SMYD3: variants seen among roughly 807,000 people sequenced by gnomAD.
SMYD3 encodes the protein SET and MYND domain containing 3.
Under a neutral mutation model 57.7 loss-of-function variants are expected in SMYD3, and 36 were observed. The observed-to-expected ratio is 0.62, with a 90% CI of 0.48 to 0.82. The LOEUF is 0.82. SMYD3 is among the 40% of genes least tolerant of loss of function. The pLI is 0.00. For missense variants in SMYD3, 515 were observed against 538.8 expected (o/e 0.96, Z 0.44); for synonymous variants, 211 against 195.0 (o/e 1.08, Z -0.68).
chr1:246,158,207 ACT>A (rs2062052868), intron 5 of SMYD3, among the ~76,000 whole-genome samples: 1 of 152,012 alleles, frequency 6.6e-6, no homozygotes, highest in Admixed American at 6.6e-5. Flanking sequence ...TCTTCCCCTG[ACT>A]CTCTTTCTCC....
intron 5 of SMYD3, among the ~76,000 whole-genome samples, chr1:246,172,773 C>G (rs940865407): frequency 1.3e-5 from 2 of 149,610 alleles, no homozygotes; most frequent in African/African-American, 2.5e-5. Flanking sequence ...TCACTGTACT[C>G]TACTGTAGAC....
rs1025937151 is a variant in SMYD3 at position 246,055,003 on chromosome 1, G to A, written c.532-125066C>T. The stretch of plus-strand genomic sequence containing the variant: ...ATCCTGGCTAACATGGTGAAATCCC[G>A]TCTCTACTAAAAATACAAAAAAATT... On this transcript the variant is annotated intron_variant, in intron 5 of 11. Coordinates refer to ENST00000490107, the MANE Select transcript of SMYD3 (RefSeq NM_001167740.2). Among the ~76,000 whole-genome samples, 5 of 151,688 alleles carry A rather than the reference G, an allele frequency of 3.3e-5. No individual in the cohort carries two copies. In the East Asian group the frequency reaches 9.7e-4, roughly 30 times the overall value.
intron 5 of SMYD3, among the ~76,000 whole-genome samples, chr1:246,164,682 TGTGCCAC>T (rs1228230902): frequency 6.6e-6 from 1 of 152,232 alleles, no homozygotes; most frequent in Non-Finnish European, 1.5e-5. Flanking sequence ...ACTGGATACG[TGTGCCAC>T]GTGCCAGGCA....
intron 5 of SMYD3, among the ~76,000 whole-genome samples, chr1:245,933,424 G>A (rs2147861850): frequency 6.6e-6 from 1 of 152,216 alleles, no homozygotes; most frequent in East Asian, 1.9e-4. Context: ...ATTATTGAAT[G>A]CAAAGTTATA....
chr1:246,249,476 G>A (rs887517570), intron 5 of SMYD3, among the ~76,000 whole-genome samples: 1 of 151,136 alleles, frequency 6.6e-6, no homozygotes, highest in African/African-American at 2.4e-5. Flanking sequence ...ATTATTTCAG[G>A]TTTTAATTCA....
chr1:246,024,063 G>A (rs1321343215), intron 5 of SMYD3, among the ~76,000 whole-genome samples: 1 of 152,060 alleles, frequency 6.6e-6, no homozygotes, highest in Non-Finnish European at 1.5e-5. Flanking sequence ...AAATGTCCTG[G>A]CCAGGTAACC....
At chr1:246,369,872 T>C (rs920554350) in intron 1 of SMYD3, among the ~76,000 whole-genome samples, 5 of 149,000 alleles carry the variant, frequency 3.4e-5, no homozygotes, top group African/African-American at 1.2e-4. Context: ...TTTCATCTTA[T>C]TTCACATTTC....
intron 10 of SMYD3, among the ~76,000 whole-genome samples, chr1:245,797,359 A>C (rs1337702525): frequency 6.6e-6 from 1 of 152,084 alleles, no homozygotes; most frequent in Non-Finnish European, 1.5e-5. Flanking sequence ...AAAAAAGGAT[A>C]TTTCATGTCC....
chr1:246,444,462 T>C (rs902837932), intron 1 of SMYD3, among the ~76,000 whole-genome samples: 6 of 152,060 alleles, frequency 3.9e-5, no homozygotes, highest in African/African-American at 1.4e-4. Flanking sequence ...CTTTAGTGGG[T>C]GAACCAGAGG....
At chr1:246,471,858 G>A (rs921691199) in intron 1 of SMYD3, among the ~76,000 whole-genome samples, 2 of 152,060 alleles carry the variant, frequency 1.3e-5, no homozygotes, top group African/African-American at 2.4e-5. Flanking sequence ...ACCAAATTTG[G>A]CTCCTAATCT....
Position 246,203,107 on chromosome 1 carries a change from C to T in SMYD3, c.531+124094G>A, listed in dbSNP as rs116273401. ...ACCACTGCACTCCAGAGCAAGACTCCGTCTCAAAAAATAAAAGAAAAGAAA... is the reference window on the plus strand; with the variant it reads ...ACCACTGCACTCCAGAGCAAGACTCTGTCTCAAAAAATAAAAGAAAAGAAA... On this transcript the variant is annotated intron_variant, in intron 5 of 11. Coordinates refer to ENST00000490107, the MANE Select transcript of SMYD3 (RefSeq NM_001167740.2). This position sits in a 1 kb window ranked among gnomAD's most constrained non-coding sequence, Gnocchi z 4.6. 0.024 allele frequency among the ~76,000 whole-genome samples: 3,623 copies of T among 151,856 alleles called. 147 individuals carry two copies. Among genetic ancestry groups the T allele is most frequent in the African/African-American group, 0.082 (3,405 of 41,398 alleles).
intron 10 of SMYD3, among the ~76,000 whole-genome samples, chr1:245,854,539 C>T (rs1278507898): frequency 6.6e-6 from 1 of 152,154 alleles, no homozygotes; most frequent in African/African-American, 2.4e-5. Context: ...CAGATGTCTA[C>T]ACTCTCTTGT....
At chr1:245,879,989 C>A (rs566914612) in intron 8 of SMYD3, among the ~76,000 whole-genome samples, 121 of 151,518 alleles carry the variant, frequency 8.0e-4, no homozygotes, top group Non-Finnish European at 1.3e-3. Flanking sequence ...TTGCTGTACA[C>A]ACCAGAGATA....
chr1:246,119,799 C>G (rs377676943), intron 5 of SMYD3, among the ~76,000 whole-genome samples: 1 of 152,128 alleles, frequency 6.6e-6, no homozygotes, highest in Non-Finnish European at 1.5e-5. Context: ...CTGCCATGTA[C>G]GACATACACT....
chr1:245,842,159 A>G (rs1046567488), intron 10 of SMYD3, among the ~76,000 whole-genome samples: 2 of 152,204 alleles, frequency 1.3e-5, no homozygotes, highest in Non-Finnish European at 2.9e-5. Context: ...AAATCATCTA[A>G]TGACGCATTT....
intron 8 of SMYD3, among the ~76,000 whole-genome samples, chr1:245,889,182 A>G (rs992345690): frequency 2.6e-5 from 4 of 152,212 alleles, no homozygotes; most frequent in Non-Finnish European, 5.9e-5. Flanking sequence ...AGCATGTACT[A>G]TGGACCAAAA....
At chr1:246,002,652 CCA>C (rs1234109867) in intron 5 of SMYD3, among the ~76,000 whole-genome samples, 2 of 93,624 alleles carry the variant, frequency 2.1e-5, no homozygotes, top group Admixed American at 1.2e-4. Flanking sequence ...CGGGGTTTCA[CCA>C]TGTTAGCCAG....
chr1:245,848,756 G>A (rs551936894), intron 10 of SMYD3, among the ~76,000 whole-genome samples: 7 of 152,198 alleles, frequency 4.6e-5, no homozygotes, highest in Admixed American at 4.6e-4. Flanking sequence ...GGTGGCTCAA[G>A]AGCCAAGCAA....
chr1:246,226,619 A>G (rs1273122611), intron 5 of SMYD3, among the ~76,000 whole-genome samples: 3 of 152,238 alleles, frequency 2.0e-5, no homozygotes, highest in Admixed American at 2.0e-4. Context: ...AAGATCACAC[A>G]CATTTGATGC....
Sources: allele counts gnomAD v4.1 joint callset (sites outside exome capture counted in the v4.1 genomes callset), GRCh38; gene constraint gnomAD v4.1.1; non-coding constraint Gnocchi (gnomAD v3.1); transcripts MANE v1.5; gene names NCBI Gene and HGNC (gene_info 2026-07-23, HGNC 2026-07-21).